Variants in GPAT3 observed in about 807,000 individuals in gnomAD.
GPAT3 encodes 1-AGP acyltransferase 9.
In GPAT3, 53 loss-of-function variants were observed where a neutral mutation model predicts 58.8. That is an observed-to-expected ratio of 0.90 (90% CI 0.72 to 1.13). The LOEUF (loss-of-function observed/expected upper bound fraction) is 1.13, where lower values mean the gene tolerates loss of function less well. GPAT3 is among the 50% of genes most tolerant of loss of function. The pLI, the probability that GPAT3 is intolerant of heterozygous loss-of-function variation, is 0.00. For missense variants in GPAT3, 511 were observed against 527.6 expected (o/e 0.97, Z 0.31); for synonymous variants, 197 against 187.4 (o/e 1.05, Z -0.42).
intron 2 of GPAT3, among the ~76,000 whole-genome samples, chr4:83,580,523 C>T (rs1352150608): frequency 1.3e-5 from 2 of 152,156 alleles, no homozygotes; most frequent in Non-Finnish European, 2.9e-5. Context: ...TGATCATCAG[C>T]AAAACTATCT....
At chr4:83,584,086 C>T (rs768906767) in intron 3 of GPAT3, among the ~76,000 whole-genome samples, 25 of 152,196 alleles carry the variant, frequency 1.6e-4, no homozygotes, top group Non-Finnish European at 2.9e-4. Flanking sequence ...TTCTACAGCA[C>T]AGTGCTTGAG....
At position 83,585,513 on chromosome 4, in the gene GPAT3, A is replaced by C. The variant is rs115087519; in HGVS notation, c.480-1742A>C. Among the ~76,000 whole-genome samples the C allele has an allele frequency of 5.3e-3, 809 of 152,158 alleles. 7 individuals are homozygous for C. Among genetic ancestry groups the C allele is most frequent in the African/African-American group, 0.018 (739 of 41,532 alleles). On this transcript the variant is annotated intron_variant, in intron 3 of 11. Coordinates refer to ENST00000264409, the MANE Select transcript of GPAT3 (RefSeq NM_032717.5). Reference sequence around the variant, plus strand: ...TATAATGTACATTATATCAGTACAGAATATGCACATTATTCTTAAACACAT... The same window carrying C: ...TATAATGTACATTATATCAGTACAGCATATGCACATTATTCTTAAACACAT...
intron 2 of GPAT3, among the ~76,000 whole-genome samples, chr4:83,551,901 G>T (rs1205994448): frequency 1.3e-5 from 2 of 150,068 alleles, no homozygotes; most frequent in Non-Finnish European, 3.0e-5. Flanking sequence ...CATCTTTGGG[G>T]GGTTACATTT....
chr4:83,604,766 A>G lies in GPAT3; in HGVS notation c.1304A>G (p.Ter435=). ...KMIVGNGSLS[*] ...ATTGTGGGCAATGGATCTCTCAGCTAAGAGGACGGATGACAGCCTTTAGAT... is the reference window on the plus strand; with the variant it reads ...ATTGTGGGCAATGGATCTCTCAGCTGAGAGGACGGATGACAGCCTTTAGAT... The change falls in exon 12 of 12, where the codon TAA becomes TGA. Residue 435 remains the stop codon, a stop_retained_variant. Transcript: ENST00000264409. The G allele has an allele frequency of 6.2e-7, 1 of 1,613,246 alleles. No homozygotes were observed. The highest frequency in any genetic ancestry group is 8.5e-7 in the Non-Finnish European group (1 of 1,179,364).
chr4:83,547,580 A>AT lies in GPAT3; in HGVS notation c.208+2989dup, dbSNP rs371835775. ...GCTGCTCTTTCATTTAGTGAAACAC[A>AT]TTTTTTTTTTTGAAATGCATTTCAA... On this transcript the variant is annotated intron_variant, in intron 2 of 11. Transcript: ENST00000264409. Among the ~76,000 whole-genome samples the AT allele has an allele frequency of 8.3e-3, 1,213 of 145,590 alleles. 5 individuals carry two copies. Among genetic ancestry groups the AT allele is most frequent in the Middle Eastern group, 0.029 (8 of 280 alleles).
intron 2 of GPAT3, among the ~76,000 whole-genome samples, chr4:83,552,141 A>G (rs572138591): frequency 6.6e-6 from 1 of 152,322 alleles, no homozygotes; most frequent in Admixed American, 6.5e-5. Flanking sequence ...ATAAAAATAC[A>G]TTACCTCTTA....
intron 2 of GPAT3, among the ~76,000 whole-genome samples, chr4:83,553,135 T>A (rs1447567379): frequency 6.6e-6 from 1 of 152,192 alleles, no homozygotes. Flanking sequence ...TGAAAGTAAA[T>A]GACTTAGCAT....
Position 83,536,277 on chromosome 4 carries a change from G to A in GPAT3, c.-346G>A. ...AGGCACCGGGCGGGGCGGGTTCCTG[G>A]CTGCGCTCGCGCGCTCTGCCCGCGC... is the stretch of plus-strand genomic sequence containing the variant. On this transcript the variant is annotated 5_prime_UTR_variant, in exon 1 of 12. Transcript: ENST00000264409. The A allele has an allele frequency of 9.6e-7, 1 of 1,040,312 alleles. No homozygotes were observed. The highest frequency in any genetic ancestry group is 4.2e-5 in the South Asian group (1 of 23,736). 64.4% of individuals were successfully genotyped at this position (1,040,312 alleles called of 1,614,324 possible).
chr4:83,554,573 G>A (rs1400810984), intron 2 of GPAT3, among the ~76,000 whole-genome samples: 1 of 152,054 alleles, frequency 6.6e-6, no homozygotes, highest in Non-Finnish European at 1.5e-5. Context: ...TTATATATGA[G>A]GGGGTCTTGT....
intron 10 of GPAT3, 198 bp from the exon 11 acceptor site, chr4:83,598,446 A>G (rs1726930091): frequency 5.7e-6 from 4 of 704,818 alleles, no homozygotes; most frequent in Non-Finnish European, 7.1e-6. Flanking sequence ...AAATATATGC[A>G]CATGGTAAAA....
chr4:83,592,467 A>C (rs1400168446), intron 6 of GPAT3, among the ~76,000 whole-genome samples: 3 of 152,198 alleles, frequency 2.0e-5, no homozygotes, highest in Non-Finnish European at 4.4e-5. Context: ...CTCTCCTTTT[A>C]TTAAAAGAAA....
rs11392342 is a variant in GPAT3, at chr4:83,578,948, T to TCTTTCTTTCTTTCTTTCTTGC, written c.209-2614_209-2613insCTTTCTTTCTTTCTTTCTTGC. On this transcript the variant is annotated intron_variant, in intron 2 of 11. Coordinates refer to ENST00000264409, the MANE Select transcript of GPAT3 (RefSeq NM_032717.5). ...TTCTTTCTTTCTTTCTTTTCTTTTCTTTTCTTTCTTTCTTTCTTTCTTTCT... is the reference window on the plus strand; with the variant it reads ...TTCTTTCTTTCTTTCTTTTCTTTTCTCTTTCTTTCTTTCTTTCTTGCTTTCTTTCTTTCTTTCTTTCTTTCT... Among the ~76,000 whole-genome samples, 31 of 71,876 alleles carry TCTTTCTTTCTTTCTTTCTTGC rather than the reference T, an allele frequency of 4.3e-4. 2 individuals carry two copies. Among genetic ancestry groups the TCTTTCTTTCTTTCTTTCTTGC allele is most frequent in the African/African-American group, 1.6e-3 (28 of 17,888 alleles). 47.2% of individuals were successfully genotyped at this position (71,876 alleles called of 152,430 possible).
At chr4:83,598,845 TG>T (rs889962437) in intron 11 of GPAT3, 122 bp downstream of exon 11, 7 of 689,946 alleles carry the variant, frequency 1.0e-5, no homozygotes, top group Admixed American at 3.4e-5. Flanking sequence ...CATAGTTCAC[TG>T]TAGCCTGATC....
upstream of GPAT3, chr4:83,535,917 T>C (rs951400876): frequency 9.4e-5 from 93 of 985,504 alleles, no homozygotes; most frequent in Non-Finnish European, 1.1e-4. Flanking sequence ...ATTTTTCAGA[T>C]GAAAACTCTC....
intron 2 of GPAT3, among the ~76,000 whole-genome samples, chr4:83,562,195 A>C (rs1725165147): frequency 2.2e-5 from 1 of 44,488 alleles, no homozygotes; most frequent in Admixed American, 2.7e-4. Flanking sequence ...ATATATATAT[A>C]TATAATATAT....
In GPAT3 at chr4:83,574,624, ATTTTTTTTTTTTTTTTTTTTTTTTTTTTT is replaced by A. The variant is rs561972057; in HGVS notation, c.209-6913_209-6885del. ...AAAGCTGACTTGTAAAGTAAAATGAATTTTTTTTTTTTTTTTTTTTTTTTTTTTTTTTTTTTTTTTTTTTTTTTTTTTTA... is the reference window on the plus strand; with the variant it reads ...AAAGCTGACTTGTAAAGTAAAATGAATTTTTTTTTTTTTTTTTTTTTTTTA... On this transcript the variant is annotated intron_variant, in intron 2 of 11. Coordinates refer to ENST00000264409, the MANE Select transcript of GPAT3 (RefSeq NM_032717.5). Among the ~76,000 whole-genome samples, 296 of 55,590 alleles carry A rather than the reference ATTTTTTTTTTTTTTTTTTTTTTTTTTTTT, an allele frequency of 5.3e-3. 3 individuals carry two copies. The highest frequency in any genetic ancestry group is 0.035 in the East Asian group (85 of 2,458). 36.5% of individuals were successfully genotyped at this position (55,590 alleles called of 152,430 possible). A position where few individuals can be genotyped will look rare whatever the true frequency, so the allele number is the denominator to read the frequency against.
At position 83,536,306 on chromosome 4, in the gene GPAT3, G is replaced by C; in HGVS notation, c.-317G>C. 2 of 1,080,470 alleles carry C rather than the reference G, an allele frequency of 1.9e-6. No homozygotes were observed. Among genetic ancestry groups the C allele is most frequent in the Non-Finnish European group, 2.2e-6 (2 of 891,660 alleles). The allele number at this position is 1,080,470 out of a possible 1,614,324, so 66.9% of individuals were successfully genotyped here. On this transcript the variant is annotated 5_prime_UTR_variant, in exon 1 of 12. Coordinates refer to ENST00000264409, the MANE Select transcript of GPAT3 (RefSeq NM_032717.5). ...CGCTCGCGCGCTCTGCCCGCGCCGC[G>C]GTGTGCCTCCGCTTACCCGCAGCTC... is the stretch of plus-strand genomic sequence containing the variant.
At chr4:83,582,746 A>T (rs974852510) in intron 3 of GPAT3, among the ~76,000 whole-genome samples, 2 of 152,042 alleles carry the variant, frequency 1.3e-5, no homozygotes, top group African/African-American at 4.8e-5. Flanking sequence ...CTACAGGGAA[A>T]TGCAGATTTC....
At chr4:83,598,787 T>TTTTTG in intron 11 of GPAT3, 64 bp downstream of exon 11, 2 of 1,010,006 alleles carry the variant, frequency 2.0e-6, no homozygotes, top group East Asian at 3.3e-5. Flanking sequence ...TTTTTTTTTT[T>TTTTTG]AGAGAATGCC....
Sources: allele counts gnomAD v4.1 joint callset (sites outside exome capture counted in the v4.1 genomes callset), GRCh38; gene constraint gnomAD v4.1.1; transcripts MANE v1.5; gene names NCBI Gene and HGNC (gene_info 2026-07-23, HGNC 2026-07-21).